The following DMRT1 variants were observed in gnomAD, a reference collection of about 807,000 sequenced individuals.
DMRT1 encodes the protein doublesex and mab-3 related transcription factor 1, also known as doublesex- and mab-3-related transcription factor 1.
Under a neutral mutation model 32.3 loss-of-function variants are expected in DMRT1, and 7 were observed. That is an observed-to-expected ratio of 0.22 (90% CI 0.12 to 0.41). DMRT1 has a LOEUF of 0.41. Ranked by LOEUF, DMRT1 falls within the 10% of genes least tolerant of loss-of-function variation. The probability of loss-of-function intolerance (pLI) is 1.00; values close to 1 mark genes in which losing one functional copy is unlikely to be tolerated. For missense variants in DMRT1, 625 were observed against 500.5 expected, an observed-to-expected ratio of 1.25 and a Z score of -2.37; for synonymous variants, 278 against 206.1, an observed-to-expected ratio of 1.35 and a Z score of -2.99.
At position 870,483 on chromosome 9, in the gene DMRT1, G is replaced by A. The variant is rs968656260; in HGVS notation, c.538+23340G>A. Among the ~76,000 whole-genome samples, 6 of 152,206 alleles carry A rather than the reference G, an allele frequency of 3.9e-5. No individual in the cohort carries two copies. The South Asian group carries it at 8.3e-4, about 21-fold the overall frequency. Reference sequence around the variant, plus strand: ...GTTGACCTTTTGATGAGTCCGTCCCGTGACAGCATCCGTCATAATTTTTTC... The same window carrying A: ...GTTGACCTTTTGATGAGTCCGTCCCATGACAGCATCCGTCATAATTTTTTC... On this transcript the variant is annotated intron_variant, in intron 2 of 4. Transcript: ENST00000382276.
chr9:903,656 G>T (rs745775707), intron 3 of DMRT1, among the ~76,000 whole-genome samples: 1 of 152,180 alleles, frequency 6.6e-6, no homozygotes, highest in Non-Finnish European at 1.5e-5. Context: ...TTGGGTTTAG[G>T]AATATCCCGT....
chr9:881,816 C>G (rs1816745825), intron 2 of DMRT1, among the ~76,000 whole-genome samples: 1 of 152,248 alleles, frequency 6.6e-6, no homozygotes, highest in South Asian at 2.1e-4. Context: ...TCTCCACCCC[C>G]AAACTCAAGC....
At chr9:871,201 A>G (rs1212246495) in intron 2 of DMRT1, among the ~76,000 whole-genome samples, 1 of 150,340 alleles carries the variant, frequency 6.7e-6, no homozygotes, top group African/African-American at 2.5e-5. Context: ...ATGCCCGGCT[A>G]ATTTTTTGTA....
intron 3 of DMRT1, among the ~76,000 whole-genome samples, chr9:915,157 G>A (rs974178460): frequency 6.6e-6 from 1 of 152,146 alleles, no homozygotes; most frequent in African/African-American, 2.4e-5. Flanking sequence ...GTTTAAAAGC[G>A]AGTACCATCT....
At chr9:967,960 CTT>C (rs1238615135) in intron 4 of DMRT1, 23 bp from the exon 5 acceptor site, 2 of 1,611,794 alleles carry the variant, frequency 1.2e-6, no homozygotes, top group East Asian at 2.2e-5. Context: ...CCCTTTCTCT[CTT>C]TCTCTCTCAC....
At chr9:916,962 G>A in intron 4 of DMRT1, 55 bp downstream of exon 4, 1 of 1,596,692 alleles carries the variant, frequency 6.3e-7, no homozygotes, top group Middle Eastern at 1.7e-4. Context: ...TGGCTATCCA[G>A]TATTGGGTCA....
intron 1 of DMRT1, chr9:843,085 A>G (rs1042393028): frequency 6.6e-6 from 1 of 152,160 alleles, no homozygotes; most frequent in Non-Finnish European, 1.5e-5. Flanking sequence ...TTGGGAGCAG[A>G]GGGTTTCGGG....
intron 3 of DMRT1, among the ~76,000 whole-genome samples, chr9:896,977 G>T (rs1164378801): frequency 6.6e-6 from 1 of 151,766 alleles, no homozygotes; most frequent in Non-Finnish European, 1.5e-5. Context: ...TTCCACTTTT[G>T]GGATCTTTTG....
intron 4 of DMRT1, among the ~76,000 whole-genome samples, chr9:921,250 C>CTT (rs1586620201): frequency 6.6e-6 from 1 of 152,158 alleles, no homozygotes; most frequent in African/African-American, 2.4e-5. Context: ...AATATGTAGC[C>CTT]TTTTGTGTCT....
chr9:848,210 C>G (rs1165139965), intron 2 of DMRT1, among the ~76,000 whole-genome samples: 1 of 152,172 alleles, frequency 6.6e-6, no homozygotes, highest in Non-Finnish European at 1.5e-5. Context: ...TAAAGTCACA[C>G]AACTATATAT....
At position 899,902 on chromosome 9, in the gene DMRT1, C is replaced by T. The variant is rs574333495; in HGVS notation, c.822+5707C>T. Among the ~76,000 whole-genome samples, 42 of 152,300 alleles carry T rather than the reference C, an allele frequency of 2.8e-4. 1 individual carries two copies. The highest frequency in any genetic ancestry group is 7.9e-4 in the African/African-American group (33 of 41,554). ...CAGATGTGTAGACTTACATTCCAGCCACGTTTAGGGTGTGGCCAAATGGCA... is the reference window on the plus strand; with the variant it reads ...CAGATGTGTAGACTTACATTCCAGCTACGTTTAGGGTGTGGCCAAATGGCA... On this transcript the variant is annotated intron_variant, in intron 3 of 4. Coordinates refer to ENST00000382276, the MANE Select transcript of DMRT1 (RefSeq NM_021951.3).
chr9:927,301 G>C (rs921365488), intron 4 of DMRT1, among the ~76,000 whole-genome samples: 1 of 152,216 alleles, frequency 6.6e-6, no homozygotes, highest in East Asian at 1.9e-4. Flanking sequence ...AGCTTGTCAT[G>C]CATCTTTCAC....
intron 4 of DMRT1, among the ~76,000 whole-genome samples, chr9:962,424 G>A (rs1012691520): frequency 6.6e-6 from 1 of 152,128 alleles, no homozygotes; most frequent in East Asian, 1.9e-4. Flanking sequence ...TAGGGCTGCT[G>A]CCATGGACAT....
chr9:880,837 G>A (rs910692293), intron 2 of DMRT1, among the ~76,000 whole-genome samples: 2 of 151,898 alleles, frequency 1.3e-5, no homozygotes, highest in South Asian at 2.1e-4. Flanking sequence ...ATCAGTGCCC[G>A]TCACCACAGC....
chr9:930,511 A>C (rs1012313599), intron 4 of DMRT1, among the ~76,000 whole-genome samples: 2 of 151,704 alleles, frequency 1.3e-5, no homozygotes, highest in African/African-American at 4.8e-5. Context: ...TCTCGGGTTC[A>C]TGCCATTCTG....
intron 2 of DMRT1, among the ~76,000 whole-genome samples, chr9:862,994 G>A (rs1815789802): frequency 6.6e-6 from 1 of 151,932 alleles, no homozygotes; most frequent in Non-Finnish European, 1.5e-5. Context: ...TTCCGGATGG[G>A]CACAATCTAA....
chr9:904,554 G>A (rs1817699486), intron 3 of DMRT1, among the ~76,000 whole-genome samples: 2 of 152,174 alleles, frequency 1.3e-5, no homozygotes, highest in Non-Finnish European at 2.9e-5. Flanking sequence ...TTATGCATTT[G>A]TTGATTGTTT....
At chr9:964,877 A>G (rs1278954055) in intron 4 of DMRT1, among the ~76,000 whole-genome samples, 7 of 152,166 alleles carry the variant, frequency 4.6e-5, no homozygotes, top group Non-Finnish European at 4.4e-5. Context: ...TACCAATACT[A>G]TCTGTTCCCC....
At chr9:900,038 A>C (rs975447343) in intron 3 of DMRT1, among the ~76,000 whole-genome samples, 1 of 152,232 alleles carries the variant, frequency 6.6e-6, no homozygotes, top group Non-Finnish European at 1.5e-5. Context: ...ATGTCTTAAC[A>C]TGCTTCCAGA....
Sources: allele counts gnomAD v4.1 joint callset (sites outside exome capture counted in the v4.1 genomes callset), GRCh38; gene constraint gnomAD v4.1.1; transcripts MANE v1.5; gene names NCBI Gene and HGNC (gene_info 2026-07-23, HGNC 2026-07-21).